HEXA: variants seen among roughly 807,000 people sequenced by gnomAD.
HEXA encodes the protein beta-hexosaminidase subunit alpha.
Under a neutral mutation model 73.3 loss-of-function variants are expected in HEXA, and 54 were observed. That is an observed-to-expected ratio of 0.74 (90% CI 0.59 to 0.92). The LOEUF (loss-of-function observed/expected upper bound fraction) is 0.92, where lower values mean the gene tolerates loss of function less well. HEXA is among the 40% of genes least tolerant of loss of function. The pLI, the probability that HEXA is intolerant of heterozygous loss-of-function variation, is 0.00. For missense variants in HEXA, 649 were observed against 653.0 expected (o/e 0.99, Z 0.07); for synonymous variants, 230 against 246.9 (o/e 0.93, Z 0.64).
At position 72,350,609 on chromosome 15, in the gene HEXA, A is replaced by G; in HGVS notation, c.714T>C (p.Asp238=). 2 of 1,614,192 alleles carry G rather than the reference A, an allele frequency of 1.2e-6. No individual in the cohort carries two copies. Among genetic ancestry groups the G allele is most frequent in the Non-Finnish European group, 1.7e-6 (2 of 1,180,034 alleles). ...GTGCGTATTCAATGACCTCCTTCAC[A>G]TCCTGTGCTGTGTAGATGTGGGTGA... The part of the protein sequence containing the change: ...NPVTHIYTAQ[D]VKEVIEYARL... The change falls in exon 7 of 14, where the codon GAT becomes GAC. Residue 238 remains aspartate (D), a synonymous_variant. Transcript: ENST00000268097.
intron 5 of HEXA, 30 bp downstream of exon 5, chr15:72,353,038 A>G (rs760533263): frequency 7.7e-7 from 1 of 1,294,240 alleles, no homozygotes; most frequent in South Asian, 1.2e-5. Flanking sequence ...AGAACTCTTA[A>G]GTGTGAAGAA....
chr15:72,350,402 GA>G, intron 7 of HEXA, 115 bp downstream of exon 7: 1 of 1,125,594 alleles, frequency 8.9e-7, no homozygotes, highest in South Asian at 1.2e-5. Flanking sequence ...GAAGTCGATG[GA>G]AAACATTCTT....
chr15:72,354,252 A>T, intron 3 of HEXA: 1 of 162,268 alleles, frequency 6.2e-6, no homozygotes, highest in Non-Finnish European at 1.3e-5. Flanking sequence ...AAAATCATCC[A>T]CTCTTCCTCT....
chr15:72,355,746 A>G (rs1261632456), intron 2 of HEXA, 122 bp from the exon 3 acceptor site: 2 of 742,180 alleles, frequency 2.7e-6, no homozygotes, highest in Non-Finnish European at 4.7e-6. Flanking sequence ...TATATTTTAA[A>G]AAATCTTTCA....
At chr15:72,350,350 T>C in intron 7 of HEXA, 168 bp downstream of exon 7, 2 of 763,174 alleles carry the variant, frequency 2.6e-6, no homozygotes, top group Non-Finnish European at 4.7e-6. Flanking sequence ...GCAGCCTCCA[T>C]TGTCCAAAGT....
intron 5 of HEXA, 113 bp downstream of exon 5, chr15:72,352,955 C>A: frequency 1.4e-6 from 1 of 730,508 alleles, no homozygotes; most frequent in Non-Finnish European, 2.5e-6. Flanking sequence ...TGAGCCACCA[C>A]ACCCAGTCCA....
intron 1 of HEXA, chr15:72,356,830 T>C (rs1030749412): frequency 1.6e-5 from 11 of 684,240 alleles, no homozygotes; most frequent in African/African-American, 1.1e-4. Context: ...CCCTGACCCA[T>C]GTCTGAATGC....
chr15:72,347,207 T>C, intron 10 of HEXA, among the ~76,000 whole-genome samples: 2 of 142,754 alleles, frequency 1.4e-5, no homozygotes, highest in South Asian at 4.9e-4. Flanking sequence ...CAGAAATAGT[T>C]CTTAATTAAG....
intron 7 of HEXA, 152 bp downstream of exon 7, chr15:72,350,363 GTTC>G: frequency 1.2e-6 from 1 of 824,448 alleles, no homozygotes; most frequent in Admixed American, 1.7e-5. Flanking sequence ...TCCAAAGTGA[GTTC>G]TTCCTATCTA....
At chr15:72,353,631 C>G in intron 4 of HEXA, 60 bp downstream of exon 4, 1 of 1,316,442 alleles carries the variant, frequency 7.6e-7, no homozygotes, top group Admixed American at 1.7e-5. Context: ...CTAGGATTCT[C>G]AATATTGGGA....
At chr15:72,372,794 T>C (rs2089010285) in intron 1 of HEXA, among the ~76,000 whole-genome samples, 1 of 152,198 alleles carries the variant, frequency 6.6e-6, no homozygotes, top group Non-Finnish European at 1.5e-5. Flanking sequence ...TATGAATTCT[T>C]AGTTTCAGGT....
At chr15:72,350,333 G>A in intron 7 of HEXA, 185 bp downstream of exon 7, 1 of 702,774 alleles carries the variant, frequency 1.4e-6, no homozygotes, top group South Asian at 1.6e-5. Context: ...TATTTTAATA[G>A]TAAGAAGCAG....
At chr15:72,355,796 C>A in intron 2 of HEXA, 172 bp from the exon 3 acceptor site, 1 of 637,996 alleles carries the variant, frequency 1.6e-6, no homozygotes, top group Non-Finnish European at 2.9e-6. Context: ...TGTAGGATGG[C>A]CTGGTCTGGG....
intron 2 of HEXA, 67 bp from the exon 3 acceptor site, chr15:72,355,691 A>T: frequency 9.5e-7 from 1 of 1,056,202 alleles, no homozygotes; most frequent in Non-Finnish European, 1.5e-6. Flanking sequence ...TAGACCAGAT[A>T]TTCTATATAA....
intron 1 of HEXA, among the ~76,000 whole-genome samples, chr15:72,360,853 G>A (rs1404411647): frequency 1.3e-5 from 2 of 152,092 alleles, no homozygotes; most frequent in African/African-American, 4.8e-5. Flanking sequence ...CTATATAATT[G>A]GGCTGCTGGG....
At chr15:72,362,395 A>G in intron 1 of HEXA, 3 of 454,540 alleles carry the variant, frequency 6.6e-6, no homozygotes, top group Non-Finnish European at 1.3e-5. Flanking sequence ...GAGTTCCTCA[A>G]CAGGAGGGAC....
chr15:72,348,663 GA>G lies in HEXA; in HGVS notation c.986+415del, dbSNP rs539690787. ...TCAAAGAAGCCCCTCAGCCTCTTTT[GA>G]GCTTACTAGAACCAAGGGTTTGGAC... On this transcript the variant is annotated intron_variant, in intron 8 of 13. Transcript: ENST00000268097. Among the ~76,000 whole-genome samples, 309 of 152,322 alleles carry G rather than the reference GA, an allele frequency of 2.0e-3. 2 individuals are homozygous for G. The highest frequency in any genetic ancestry group is 7.1e-3 in the African/African-American group (296 of 41,560).
chr15:72,352,458 A>T (rs2088711742), intron 5 of HEXA, among the ~76,000 whole-genome samples: 1 of 151,880 alleles, frequency 6.6e-6, no homozygotes, highest in South Asian at 2.1e-4. Flanking sequence ...AAAAAAAAAA[A>T]AAAAAAATTG....
intron 1 of HEXA, among the ~76,000 whole-genome samples, chr15:72,367,234 C>G (rs559027501): frequency 2.0e-5 from 3 of 152,136 alleles, no homozygotes; most frequent in Non-Finnish European, 4.4e-5. Context: ...TGAGCCACCA[C>G]GACCACCAAT....
Sources: gnomAD v4.1 joint callset for allele counts (sites outside exome capture counted in the v4.1 genomes callset) on GRCh38, gnomAD v4.1.1 for gene constraint, MANE v1.5 for transcripts, NCBI Gene and HGNC (gene_info 2026-07-23, HGNC 2026-07-21) for gene names.